IFI44L: variants seen among roughly 807,000 people sequenced by gnomAD.
IFI44L encodes interferon induced protein 44 like.
Under a neutral mutation model 39.3 loss-of-function variants are expected in IFI44L, and 40 were observed. The ratio of observed to expected loss-of-function variants is 1.02; its 90% CI spans 0.79 to 1.33. The LOEUF (loss-of-function observed/expected upper bound fraction) is 1.33. Among genes scored for constraint, IFI44L ranks in the 40% most tolerant of loss-of-function variants. The probability of loss-of-function intolerance (pLI) is 0.00; values close to 1 mark genes in which losing one functional copy is unlikely to be tolerated. For synonymous variants in IFI44L, 198 were observed against 182.3 expected, an observed-to-expected ratio of 1.09 and a Z score of -0.69; for missense variants, 623 against 549.0, an observed-to-expected ratio of 1.13 and a Z score of -1.35.
intron 2 of IFI44L, 64 bp downstream of exon 2, chr1:78,628,457 A>G: frequency 3.3e-6 from 3 of 921,454 alleles, no homozygotes; most frequent in Non-Finnish European, 5.0e-6. Context: ...TCGGTAGGTA[A>G]TAATTGATCT....
In IFI44L at chr1:78,644,101, A is replaced by C. The variant is rs1446141399; in HGVS notation, c.*2292A>C. ...TCCAGGGAGAAAACAAGCCATGACC[A>C]TTGTTGGTTGGGAGACTGAAGGTGA... On this transcript the variant is annotated 3_prime_UTR_variant, in exon 9 of 9. Transcript: ENST00000370751. 6.6e-6 allele frequency: 1 copy of C among 152,172 alleles called. No homozygotes were observed. The highest frequency in any genetic ancestry group is 2.4e-5 in the African/African-American group (1 of 41,452). The allele number at this position is 152,172 out of a possible 1,614,324, so 9.4% of individuals were successfully genotyped here. A position where few individuals can be genotyped will look rare whatever the true frequency, so the allele number is the denominator to read the frequency against.
At chr1:78,637,275 G>C in intron 6 of IFI44L, 72 bp downstream of exon 6, 1 of 1,161,606 alleles carries the variant, frequency 8.6e-7, no homozygotes, top group Non-Finnish European at 1.2e-6. Context: ...TGCAAAGAGA[G>C]TACAGAGATT....
rs1445463817 is a variant in IFI44L at position 78,644,195 on chromosome 1, A to T, written c.*2386A>T. On this transcript the variant is annotated 3_prime_UTR_variant, in exon 9 of 9. Transcript: ENST00000370751. ...CACCCAACCCTTTGGTGGAGCCTGA[A>T]AAAAATCTGGGCAGAATGTAGGACT... The T allele has an allele frequency of 6.6e-6, 1 of 152,172 alleles. No homozygotes were observed. The highest frequency in any genetic ancestry group is 1.5e-5 in the Non-Finnish European group (1 of 68,028). The allele number at this position is 152,172 out of a possible 1,614,324, so 9.4% of individuals were successfully genotyped here. A position where few individuals can be genotyped will look rare whatever the true frequency, so the allele number is the denominator to read the frequency against.
rs1647008902 is a variant in IFI44L at position 78,643,246 on chromosome 1, A to C, written c.*1437A>C. ...TGTTCAGGAGACACAATTCAGTGGA[A>C]GAAATTAAGTCTTTAAAAAAGACCT... On this transcript the variant is annotated 3_prime_UTR_variant, in exon 9 of 9. Transcript: ENST00000370751. The C allele has an allele frequency of 6.6e-6, 1 of 152,054 alleles. No individual in the cohort carries two copies. Among genetic ancestry groups the C allele is most frequent in the Admixed American group, 6.6e-5 (1 of 15,248 alleles). The allele number at this position is 152,054 out of a possible 1,614,324, so 9.4% of individuals were successfully genotyped here. A position where few individuals can be genotyped will look rare whatever the true frequency, so the allele number is the denominator to read the frequency against.
Position 78,641,771 on chromosome 1 carries a change from T to A in IFI44L, c.1325-4T>A, listed in dbSNP as rs759704812. ...ATTTCCACTCTTGTTTGTTTCATTT[T>A]CAGGTGCAATTGAGAGAGCGTTACA... On this transcript the variant is annotated splice_polypyrimidine_tract_variant and splice_region_variant and intron_variant, in intron 8 of 8. Transcript: ENST00000370751. The A allele has an allele frequency of 5.0e-6, 8 of 1,613,728 alleles. No homozygotes were observed. Among genetic ancestry groups the A allele is most frequent in the Non-Finnish European group, 6.8e-6 (8 of 1,179,674 alleles).
rs760729832 is a variant in IFI44L, at chr1:78,637,121, C to A, written c.966C>A (p.Val322=). 21 of 1,608,438 alleles carry A rather than the reference C, an allele frequency of 1.3e-5. No homozygotes were observed. The South Asian group carries it at 2.1e-4, about 16-fold the overall frequency. ...ACAGGATTCACTGTGTGGCTTATGT[C>A]TTAGACATCAACTCTATTGACAATC... ...LKDRIHCVAY[V]LDINSIDNLY... Residue 322 remains valine (V), a synonymous_variant, in exon 6 of 9, where the codon GTC becomes GTA. Transcript: ENST00000370751.
chr1:78,628,420 C>A lies in IFI44L; in HGVS notation c.478+27C>A, dbSNP rs369842745. The A allele has an allele frequency of 5.7e-6, 7 of 1,233,692 alleles. No individual in the cohort carries two copies. The African/African-American group carries it at 9.1e-5, about 16-fold the overall frequency. 76.4% of individuals were successfully genotyped at this position (1,233,692 alleles called of 1,614,324 possible). ...TTTGTAAAATTAGATAATCCTACAT[C>A]TCACATTATGATTCTAATCCTTGTG... On this transcript the variant is annotated intron_variant, in intron 2 of 8. Coordinates refer to ENST00000370751, the MANE Select transcript of IFI44L (RefSeq NM_006820.4).
chr1:78,641,381 C>A lies in IFI44L; in HGVS notation c.1150-54C>A. ...TTCTTAAATTGTATTTAAAATTGGT[C>A]AAATTTCAAATATTAAATACAGGAC... On this transcript the variant is annotated intron_variant, in intron 7 of 8. Transcript: ENST00000370751. 2.6e-6 allele frequency: 4 copies of A among 1,511,320 alleles called. No individual in the cohort carries two copies. The South Asian group carries it at 3.7e-5, about 14-fold the overall frequency. 93.6% of individuals were successfully genotyped at this position (1,511,320 alleles called of 1,614,324 possible). A position where few individuals can be genotyped will look rare whatever the true frequency, so the allele number is the denominator to read the frequency against.
rs771882153 is a variant in IFI44L at position 78,628,103 on chromosome 1, C to A, written c.188C>A (p.Ala63Asp). The change falls in exon 2 of 9, where the codon GCC (alanine) becomes GAC (aspartate). Residue 63 changes from alanine (A) to aspartate (D), a missense_variant. By Grantham distance (126) the Ala-to-Asp change is moderately radical. Coordinates refer to ENST00000370751, the MANE Select transcript of IFI44L (RefSeq NM_006820.4). ...TACATTGATTACAATATGATTGTAG[C>A]CTTTATGCTTGGAAATTATATTAAT... ...MAYIDYNMIVAFMLGNYINLH... is the reference protein window; with the variant it reads ...MAYIDYNMIVDFMLGNYINLH... The A allele has an allele frequency of 3.1e-6, 5 of 1,612,422 alleles. No homozygotes were observed. The South Asian group carries it at 4.4e-5, about 14-fold the overall frequency.
At chr1:78,629,147 C>G in intron 3 of IFI44L, 148 bp downstream of exon 3, 1 of 643,218 alleles carries the variant, frequency 1.6e-6, no homozygotes, top group Non-Finnish European at 2.7e-6. Context: ...ATAACAAAAG[C>G]ACTACTAACT....
Position 78,637,113 on chromosome 1 carries a change from G to A in IFI44L, c.958G>A (p.Ala320Thr), listed in dbSNP as rs773410100. The change falls in exon 6 of 9, where the codon GCT (alanine) becomes ACT (threonine). Residue 320 changes from alanine to threonine, a missense_variant. Ala to Thr is a moderately conservative substitution (Grantham distance 58). Coordinates refer to ENST00000370751, the MANE Select transcript of IFI44L (RefSeq NM_006820.4). ...PSLKDRIHCV[A>T]YVLDINSIDN... ...TCTGAAGGACAGGATTCACTGTGTG[G>A]CTTATGTCTTAGACATCAACTCTAT... 3.1e-6 allele frequency: 5 copies of A among 1,610,410 alleles called. No homozygotes were observed. The South Asian group carries it at 4.4e-5, about 14-fold the overall frequency.
chr1:78,634,331 A>G (rs1652860677), intron 4 of IFI44L, among the ~76,000 whole-genome samples: 2 of 152,182 alleles, frequency 1.3e-5, no homozygotes, highest in Non-Finnish European at 2.9e-5. Flanking sequence ...GGAAGATAAA[A>G]AAGCAAATAA....
chr1:78,631,006 A>G (rs1398373890), intron 4 of IFI44L, among the ~76,000 whole-genome samples: 1 of 152,184 alleles, frequency 6.6e-6, no homozygotes. Flanking sequence ...ATAAATCTGT[A>G]TCATTCATTG....
chr1:78,626,554 A>G (rs1570351980), intron 1 of IFI44L: 1 of 152,080 alleles, frequency 6.6e-6, no homozygotes, highest in African/African-American at 2.4e-5. Context: ...TGTTTCTGCT[A>G]TGCAGCTATG....
intron 6 of IFI44L, among the ~76,000 whole-genome samples, chr1:78,638,591 C>A (rs1162388922): frequency 6.6e-6 from 1 of 152,046 alleles, no homozygotes; most frequent in Non-Finnish European, 1.5e-5. Context: ...CCTCTCCATT[C>A]TGCTTTTGAG....
chr1:78,631,666 ATG>A (rs1652753646), intron 4 of IFI44L: 1 of 152,174 alleles, frequency 6.6e-6, no homozygotes, highest in Admixed American at 6.6e-5. Flanking sequence ...ATAAGATTGA[ATG>A]TGTTTATCTA....
chr1:78,622,875 G>T (rs572253984), intron 1 of IFI44L, among the ~76,000 whole-genome samples: 1 of 152,150 alleles, frequency 6.6e-6, no homozygotes, highest in African/African-American at 2.4e-5. Context: ...TCCTTCTCCC[G>T]TTAAACATTC....
chr1:78,620,887 A>C (rs951839910), intron 1 of IFI44L: 1 of 152,060 alleles, frequency 6.6e-6, no homozygotes, highest in African/African-American at 2.4e-5. Flanking sequence ...GACTTTCCCA[A>C]CCTCTGGTAA....
At chr1:78,625,664 A>T (rs1056939862) in intron 1 of IFI44L, 1 of 151,270 alleles carries the variant, frequency 6.6e-6, no homozygotes, top group African/African-American at 2.4e-5. Flanking sequence ...TTTTATTTTT[A>T]TTGTTGATTT....
Sources: gnomAD v4.1 joint callset for allele counts (sites outside exome capture counted in the v4.1 genomes callset) on GRCh38, gnomAD v4.1.1 for gene constraint, MANE v1.5 for transcripts, NCBI Gene and HGNC (gene_info 2026-07-23, HGNC 2026-07-21) for gene names.